The following CTNNA3 variants were observed in gnomAD, a reference collection of about 807,000 sequenced individuals.
CTNNA3 encodes the protein catenin alpha 3, also known as catenin alpha-3.
Under a neutral mutation model 95.7 loss-of-function variants are expected in CTNNA3, and 76 were observed. The observed-to-expected ratio is 0.79, with a 90% confidence interval of 0.66 to 0.96. CTNNA3 has a LOEUF of 0.96. CTNNA3 is among the 40% of genes least tolerant of loss of function. The pLI, the probability that CTNNA3 is intolerant of heterozygous loss-of-function variation, is 0.00. For missense variants in CTNNA3, 1,191 were observed against 1,089.8 expected, an observed-to-expected ratio of 1.09 and a Z score of -1.31; for synonymous variants, 431 against 374.4, an observed-to-expected ratio of 1.15 and a Z score of -1.74.
chr10:66,183,350 T>C (rs1484897561), intron 13 of CTNNA3, among the ~76,000 whole-genome samples: 1 of 152,250 alleles, frequency 6.6e-6, no homozygotes, highest in African/African-American at 2.4e-5. Context: ...GAGATATGCA[T>C]TTCTCTTACC....
intron 7 of CTNNA3, among the ~76,000 whole-genome samples, chr10:67,033,781 G>GT (rs1002548895): frequency 4.3e-4 from 65 of 151,674 alleles, no homozygotes; most frequent in African/African-American, 7.7e-4. Flanking sequence ...GTTTCTTTTT[G>GT]TTTTTTTTGG....
intron 9 of CTNNA3, among the ~76,000 whole-genome samples, chr10:66,754,674 T>C (rs1483835471): frequency 6.6e-6 from 1 of 152,106 alleles, no homozygotes; most frequent in African/African-American, 2.4e-5. Flanking sequence ...CAAATAGATA[T>C]TTCTATTAAA....
chr10:65,974,918 C>A (rs373305753), intron 16 of CTNNA3, among the ~76,000 whole-genome samples: 5 of 151,890 alleles, frequency 3.3e-5, no homozygotes, highest in East Asian at 3.9e-4. Flanking sequence ...TTTTTTAAAG[C>A]TTTTATTCTA....
intron 5 of CTNNA3, among the ~76,000 whole-genome samples, chr10:67,387,300 C>T (rs906500504): frequency 3.3e-5 from 5 of 152,102 alleles, no homozygotes; most frequent in Admixed American, 6.6e-5. Flanking sequence ...GGGTGACGGA[C>T]GGCACCTGAA....
At chr10:66,383,367 G>A (rs1182194746) in intron 11 of CTNNA3, among the ~76,000 whole-genome samples, 1 of 152,128 alleles carries the variant, frequency 6.6e-6, no homozygotes, top group Non-Finnish European at 1.5e-5. Context: ...TCAAATTAAT[G>A]AAATAAAGTG....
chr10:67,079,576 G>A (rs946871271), intron 7 of CTNNA3, among the ~76,000 whole-genome samples: 6 of 152,102 alleles, frequency 3.9e-5, no homozygotes, highest in Non-Finnish European at 5.9e-5. Flanking sequence ...ACAGCCCAGC[G>A]CGGTGGCTCA....
chr10:67,101,135 T>C (rs1858312765), intron 7 of CTNNA3, among the ~76,000 whole-genome samples: 1 of 151,682 alleles, frequency 6.6e-6, no homozygotes, highest in Non-Finnish European at 1.5e-5. Flanking sequence ...AGTTCGTTTG[T>C]GAATGTGCAG....
chr10:66,099,044 GA>G (rs2081510552), intron 14 of CTNNA3, among the ~76,000 whole-genome samples: 2 of 152,306 alleles, frequency 1.3e-5, no homozygotes, highest in South Asian at 4.1e-4. Context: ...AATGAATACA[GA>G]AAGTAAAATG....
chr10:66,650,665 G>A (rs1845862418), intron 9 of CTNNA3, among the ~76,000 whole-genome samples: 1 of 152,136 alleles, frequency 6.6e-6, no homozygotes, highest in African/African-American at 2.4e-5. Flanking sequence ...TGGGTTCGTG[G>A]TCTCGCTGGC....
intron 7 of CTNNA3, among the ~76,000 whole-genome samples, chr10:66,977,243 A>G (rs1429890760): frequency 6.6e-6 from 1 of 151,854 alleles, no homozygotes; most frequent in Non-Finnish European, 1.5e-5. Context: ...TTGAGACCAT[A>G]CTGGCCAACA....
At position 66,455,244 on chromosome 10, in the gene CTNNA3, G is replaced by A. The variant is rs577417138; in HGVS notation, c.1531+65373C>T. Among the ~76,000 whole-genome samples the A allele has an allele frequency of 2.2e-4, 33 of 152,150 alleles. 1 individual carries two copies. The South Asian group carries it at 3.7e-3, about 17-fold the overall frequency. On this transcript the variant is annotated intron_variant, in intron 11 of 17. Transcript: ENST00000433211. Reference sequence around the variant, plus strand: ...TCTAACTTCTCCCATTCAATCTTGTGCTAGAAATTCTAACTACTACAATAA... The same window carrying A: ...TCTAACTTCTCCCATTCAATCTTGTACTAGAAATTCTAACTACTACAATAA...
chr10:67,740,943 ATGTGGTAC>A (rs943737057), intron 1 of CTNNA3, among the ~76,000 whole-genome samples: 3 of 151,492 alleles, frequency 2.0e-5, no homozygotes, highest in Non-Finnish European at 4.4e-5. Flanking sequence ...GATTAAGAAA[ATGTGGTAC>A]ATATACACCA....
intron 7 of CTNNA3, among the ~76,000 whole-genome samples, chr10:66,893,517 G>A (rs1319195104): frequency 6.7e-6 from 1 of 150,248 alleles, no homozygotes; most frequent in Non-Finnish European, 1.5e-5. Context: ...GACAGGCCAA[G>A]AGAATATTGT....
At position 66,345,946 on chromosome 10, in the gene CTNNA3, G is replaced by A. The variant is rs2092506097; in HGVS notation, c.1732+33206C>T. Among the ~76,000 whole-genome samples, 3 of 151,290 alleles carry A rather than the reference G, an allele frequency of 2.0e-5. No individual in the cohort carries two copies. The South Asian group carries it at 6.3e-4, about 32-fold the overall frequency. ...ACAAAACTTAGCTGGGAGTGGTGGT[G>A]TGCACCTATAGTCCCAGCTACTGGG... On this transcript the variant is annotated intron_variant, in intron 12 of 17. Transcript: ENST00000433211.
chr10:67,761,970 C>A (rs1191830320), intron 1 of CTNNA3, among the ~76,000 whole-genome samples: 1 of 151,552 alleles, frequency 6.6e-6, no homozygotes, highest in Admixed American at 6.6e-5. Flanking sequence ...CATATGGTTG[C>A]AAAACAATGT....
At chr10:67,411,817 TGAGGGA>T (rs1845376995) in intron 5 of CTNNA3, among the ~76,000 whole-genome samples, 1 of 152,108 alleles carries the variant, frequency 6.6e-6, no homozygotes, top group South Asian at 2.1e-4. Flanking sequence ...GCTCCATATC[TGAGGGA>T]TAACTGGACT....
At chr10:66,911,549 G>A (rs2132559846) in intron 7 of CTNNA3, among the ~76,000 whole-genome samples, 1 of 152,224 alleles carries the variant, frequency 6.6e-6, no homozygotes, top group South Asian at 2.1e-4. Flanking sequence ...ACATTGATTT[G>A]ACTTCAAAGA....
chr10:66,104,438 C>A (rs2081799343), intron 13 of CTNNA3, among the ~76,000 whole-genome samples: 1 of 152,162 alleles, frequency 6.6e-6, no homozygotes, highest in African/African-American at 2.4e-5. Context: ...AAGGTCTCAA[C>A]TTAATATATT....
At chr10:67,105,427 G>A (rs999845031) in intron 7 of CTNNA3, among the ~76,000 whole-genome samples, 1 of 152,036 alleles carries the variant, frequency 6.6e-6, no homozygotes, top group Admixed American at 6.6e-5. Context: ...ATAAACTCTT[G>A]AATTGCTGCT....
Sources: gnomAD v4.1 joint callset for allele counts (sites outside exome capture counted in the v4.1 genomes callset) on GRCh38, gnomAD v4.1.1 for gene constraint, MANE v1.5 for transcripts, NCBI Gene and HGNC (gene_info 2026-07-23, HGNC 2026-07-21) for gene names.